Variants in LRRC7 observed in about 807,000 individuals in gnomAD.
LRRC7 encodes leucine-rich repeat-containing protein 7.
A neutral mutation model predicts 175.7 loss-of-function variants in LRRC7; 23 were observed. That is an observed-to-expected ratio of 0.13 (90% CI 0.09 to 0.19). LRRC7 has a LOEUF of 0.19. Ranked by LOEUF, LRRC7 falls within the 10% of genes least tolerant of loss-of-function variation. LRRC7 has a pLI of 1.00. For missense variants in LRRC7, 1,354 were observed against 1,904.7 expected, an observed-to-expected ratio of 0.71 and a Z score of 5.38; for synonymous variants, 685 against 680.9, an observed-to-expected ratio of 1.01 and a Z score of -0.09.
At chr1:69,575,596 T>C (rs980619766) in intron 1 of LRRC7, among the ~76,000 whole-genome samples, 2 of 152,204 alleles carry the variant, frequency 1.3e-5, no homozygotes, top group African/African-American at 4.8e-5. Context: ...TTCACTAATA[T>C]TGAAGCACTC....
intron 7 of LRRC7, among the ~76,000 whole-genome samples, chr1:69,911,823 G>T (rs958422466): frequency 6.6e-6 from 1 of 151,906 alleles, no homozygotes; most frequent in Non-Finnish European, 1.5e-5. Flanking sequence ...GCTTAGTCAC[G>T]GAGTTATGCC....
At chr1:69,590,284 T>C (rs188163957) in intron 1 of LRRC7, among the ~76,000 whole-genome samples, 1 of 152,194 alleles carries the variant, frequency 6.6e-6, no homozygotes, top group African/African-American at 2.4e-5. Flanking sequence ...TTAAGTTTCC[T>C]GATCTATAAA....
chr1:69,746,732 T>G (rs1026962008), intron 2 of LRRC7, among the ~76,000 whole-genome samples: 2 of 152,068 alleles, frequency 1.3e-5, no homozygotes, highest in Non-Finnish European at 2.9e-5. Flanking sequence ...AAAACAATGG[T>G]AATAAGTCTA....
intron 2 of LRRC7, among the ~76,000 whole-genome samples, chr1:69,678,790 T>C (rs1660121204): frequency 6.6e-6 from 1 of 152,136 alleles, no homozygotes; most frequent in Non-Finnish European, 1.5e-5. Context: ...ATGGTAATGG[T>C]TCTGAGACGT....
intron 1 of LRRC7, among the ~76,000 whole-genome samples, chr1:69,637,673 A>G (rs945218902): frequency 6.6e-5 from 10 of 151,892 alleles, no homozygotes; most frequent in African/African-American, 2.4e-4. Flanking sequence ...TTCTTTCATG[A>G]CTATTTGTAA....
intron 13 of LRRC7, among the ~76,000 whole-genome samples, chr1:70,015,584 A>G (rs577693899): frequency 7.7e-4 from 117 of 152,300 alleles, no homozygotes; most frequent in Middle Eastern, 3.4e-3. Context: ...TTTGCTAACT[A>G]GCTTTGATGG....
At chr1:69,754,842 C>T (rs896881435) in intron 2 of LRRC7, among the ~76,000 whole-genome samples, 8 of 151,646 alleles carry the variant, frequency 5.3e-5, no homozygotes, top group African/African-American at 1.7e-4. Context: ...CTGCATTAGA[C>T]ATTTAAAAAA....
intron 7 of LRRC7, among the ~76,000 whole-genome samples, chr1:69,868,350 T>A (rs1438692467): frequency 6.6e-6 from 1 of 152,148 alleles, no homozygotes; most frequent in Non-Finnish European, 1.5e-5. Flanking sequence ...TTTCTATGAA[T>A]CAATATTTTA....
In LRRC7 at chr1:70,124,716, G is replaced by T. The variant is rs1477220853; in HGVS notation, c.*2829G>T. 6.6e-6 allele frequency among the ~76,000 whole-genome samples: 1 copy of T among 150,464 alleles called. No individual in the cohort carries two copies. Among genetic ancestry groups the T allele is most frequent in the East Asian group, 1.9e-4 (1 of 5,168 alleles). On this transcript the variant is annotated 3_prime_UTR_variant, in exon 27 of 27. Coordinates refer to ENST00000651989, the MANE Select transcript of LRRC7 (RefSeq NM_001370785.2). ...TTTTGCTGCCTGAAATTAGAATCTG[G>T]TTATTTTAACAATAAAAAAAAGTCA...
chr1:69,965,140 G>T (rs1400252069), intron 8 of LRRC7, among the ~76,000 whole-genome samples: 2 of 152,152 alleles, frequency 1.3e-5, no homozygotes, highest in East Asian at 3.9e-4. Context: ...TGAACCCTGG[G>T]CTTACTCTTG....
chr1:69,583,602 T>A (rs955017323), intron 1 of LRRC7, among the ~76,000 whole-genome samples: 1 of 152,296 alleles, frequency 6.6e-6, no homozygotes, highest in Middle Eastern at 3.4e-3. Context: ...CAAGAATTAT[T>A]ATGCCAATGT....
intron 1 of LRRC7, among the ~76,000 whole-genome samples, chr1:69,579,060 T>C (rs1168677915): frequency 6.6e-6 from 1 of 152,164 alleles, no homozygotes; most frequent in Admixed American, 6.6e-5. Flanking sequence ...ATATTATTGC[T>C]TAACAATGGA....
At chr1:69,762,996 T>G (rs1363084893) in intron 3 of LRRC7, among the ~76,000 whole-genome samples, 1 of 152,006 alleles carries the variant, frequency 6.6e-6, no homozygotes, top group African/African-American at 2.4e-5. Context: ...TTAAAGTATC[T>G]GATATATTGA....
intron 2 of LRRC7, among the ~76,000 whole-genome samples, chr1:69,683,187 G>A (rs190054528): frequency 1.1e-4 from 16 of 152,120 alleles, no homozygotes; most frequent in African/African-American, 3.1e-4. Flanking sequence ...TCATAAACCC[G>A]GGAGTCCTCT....
chr1:69,631,425 C>T (rs1267702065), intron 1 of LRRC7, among the ~76,000 whole-genome samples: 1 of 151,944 alleles, frequency 6.6e-6, no homozygotes, highest in African/African-American at 2.4e-5. Context: ...AGGACAGCAT[C>T]TCTCCTCATT....
intron 7 of LRRC7, among the ~76,000 whole-genome samples, chr1:69,842,158 A>C (rs1331589374): frequency 6.6e-6 from 1 of 152,138 alleles, no homozygotes; most frequent in Non-Finnish European, 1.5e-5. Flanking sequence ...AACAAAATAT[A>C]TGTCAAGATA....
chr1:69,602,885 T>A (rs1394067361), intron 1 of LRRC7, among the ~76,000 whole-genome samples: 1 of 152,254 alleles, frequency 6.6e-6, no homozygotes, highest in Non-Finnish European at 1.5e-5. Context: ...AATACCATTA[T>A]GTTACAATTG....
intron 7 of LRRC7, among the ~76,000 whole-genome samples, chr1:69,890,227 G>C (rs954149776): frequency 1.3e-5 from 2 of 152,128 alleles, no homozygotes; most frequent in South Asian, 4.1e-4. Flanking sequence ...AAATAATAAG[G>C]CTTGAAAGTC....
At chr1:69,657,777 A>T (rs531634216) in intron 1 of LRRC7, among the ~76,000 whole-genome samples, 2 of 151,998 alleles carry the variant, frequency 1.3e-5, no homozygotes, top group East Asian at 1.9e-4. Context: ...TCCTGCTAAA[A>T]TAACCAGTTT....
Sources: gnomAD v4.1 joint callset for allele counts (sites outside exome capture counted in the v4.1 genomes callset) on GRCh38, gnomAD v4.1.1 for gene constraint, MANE v1.5 for transcripts, NCBI Gene and HGNC (gene_info 2026-07-23, HGNC 2026-07-21) for gene names.